CTNNA3: variants seen among roughly 807,000 people sequenced by gnomAD.
CTNNA3 encodes the protein catenin alpha-3.
In CTNNA3, 76 loss-of-function variants were observed where a neutral mutation model predicts 95.7. The observed-to-expected ratio is 0.79, with a 90% CI of 0.66 to 0.96. The LOEUF (loss-of-function observed/expected upper bound fraction) is 0.96, where lower values mean the gene tolerates loss of function less well. Ranked by LOEUF, CTNNA3 falls within the 40% of genes least tolerant of loss-of-function variation. The probability of loss-of-function intolerance (pLI) is 0.00; values close to 1 mark genes in which losing one functional copy is unlikely to be tolerated. For missense variants in CTNNA3, 1,191 were observed against 1,089.8 expected, an observed-to-expected ratio of 1.09 and a Z score of -1.31; for synonymous variants, 431 against 374.4, an observed-to-expected ratio of 1.15 and a Z score of -1.74.
At chr10:67,705,947 T>C (rs927907225) in intron 1 of CTNNA3, among the ~76,000 whole-genome samples, 1 of 152,084 alleles carries the variant, frequency 6.6e-6, no homozygotes, top group African/African-American at 2.4e-5. Context: ...CAAAGCTGGC[T>C]TAGGGGAAGA....
At chr10:66,903,686 G>T (rs1845854234) in intron 7 of CTNNA3, among the ~76,000 whole-genome samples, 1 of 152,056 alleles carries the variant, frequency 6.6e-6, no homozygotes, top group African/African-American at 2.4e-5. Flanking sequence ...AAAGTCTCAG[G>T]ATACAAAATC....
chr10:67,423,559 G>T (rs1459525500), intron 5 of CTNNA3, among the ~76,000 whole-genome samples: 1 of 152,110 alleles, frequency 6.6e-6, no homozygotes, highest in African/African-American at 2.4e-5. Context: ...CAAAAAGATA[G>T]ACACTAAACA....
chr10:66,222,525 G>C (rs2088988729), intron 13 of CTNNA3, among the ~76,000 whole-genome samples: 1 of 150,734 alleles, frequency 6.6e-6, no homozygotes, highest in South Asian at 2.1e-4. Flanking sequence ...GGGAAGGAAG[G>C]AAAGAAGGGA....
rs1256659029 is a variant in CTNNA3 at position 66,957,431 on chromosome 10, TATATATATATGCATATATATATATGC to T, written c.1048-181933_1048-181908del. On this transcript the variant is annotated intron_variant, in intron 7 of 17. Transcript: ENST00000433211. The stretch of plus-strand genomic sequence containing the variant: ...ATATATATGCATATATATATATGCA[TATATATATATGCATATATATATATGC>T]ATATATATATATGTTTGATCCTGAA... Among the ~76,000 whole-genome samples the T allele has an allele frequency of 3.0e-4, 36 of 118,564 alleles. 1 individual carries two copies. Among genetic ancestry groups the T allele is most frequent in the African/African-American group, 5.5e-4 (19 of 34,686 alleles). 77.8% of individuals were successfully genotyped at this position (118,564 alleles called of 152,430 possible).
chr10:66,207,805 T>A (rs574756253), intron 13 of CTNNA3, among the ~76,000 whole-genome samples: 1 of 152,198 alleles, frequency 6.6e-6, no homozygotes, highest in South Asian at 2.1e-4. Flanking sequence ...TGTTCTATTG[T>A]GCTAATTTGA....
intron 7 of CTNNA3, among the ~76,000 whole-genome samples, chr10:67,077,007 G>T (rs1029078213): frequency 2.0e-5 from 3 of 152,078 alleles, no homozygotes; most frequent in African/African-American, 7.2e-5. Flanking sequence ...CTTGTTTCAG[G>T]CAACGCCCCC....
At chr10:66,268,849 G>C (rs182032850) in intron 13 of CTNNA3, among the ~76,000 whole-genome samples, 75 of 152,272 alleles carry the variant, frequency 4.9e-4, no homozygotes, top group African/African-American at 1.7e-3. Context: ...TTTCTGCAGT[G>C]ACATGGAGGC....
At chr10:67,069,625 A>G (rs1348614077) in intron 7 of CTNNA3, among the ~76,000 whole-genome samples, 1 of 147,298 alleles carries the variant, frequency 6.8e-6, no homozygotes, top group East Asian at 2.0e-4. Flanking sequence ...ACCTAAATAC[A>G]TAGATTAGTT....
At chr10:66,435,280 C>CT (rs953645262) in intron 11 of CTNNA3, among the ~76,000 whole-genome samples, 3 of 151,644 alleles carry the variant, frequency 2.0e-5, no homozygotes, top group Non-Finnish European at 2.9e-5. Flanking sequence ...TGGTCCTGGG[C>CT]TTTTTTTTGG....
intron 5 of CTNNA3, among the ~76,000 whole-genome samples, chr10:67,468,289 G>A (rs1311230506): frequency 6.6e-6 from 1 of 152,012 alleles, no homozygotes. Context: ...AGCTACTCAG[G>A]AGGCTGACGG....
chr10:67,366,266 G>A (rs1322651536), intron 5 of CTNNA3, among the ~76,000 whole-genome samples: 5 of 152,106 alleles, frequency 3.3e-5, no homozygotes, highest in Non-Finnish European at 7.3e-5. Context: ...TAAATGACAA[G>A]TTGATGGGTG....
intron 15 of CTNNA3, among the ~76,000 whole-genome samples, chr10:66,046,484 A>G (rs1168042843): frequency 6.6e-6 from 1 of 152,220 alleles, no homozygotes; most frequent in African/African-American, 2.4e-5. Flanking sequence ...TAAGAGGGAA[A>G]TTCATAGCAC....
At chr10:66,894,756 G>A (rs1845407315) in intron 7 of CTNNA3, among the ~76,000 whole-genome samples, 1 of 151,760 alleles carries the variant, frequency 6.6e-6, no homozygotes, top group Non-Finnish European at 1.5e-5. Flanking sequence ...AGCACAACAA[G>A]CTCAACAAAG....
chr10:66,739,286 C>T (rs1395727550), intron 9 of CTNNA3, among the ~76,000 whole-genome samples: 6 of 152,150 alleles, frequency 3.9e-5, no homozygotes, highest in Admixed American at 3.9e-4. Flanking sequence ...ACTCCCAGAC[C>T]GTCTAATTTA....
At chr10:66,900,527 A>T (rs1490047041) in intron 7 of CTNNA3, among the ~76,000 whole-genome samples, 1 of 152,200 alleles carries the variant, frequency 6.6e-6, no homozygotes, top group African/African-American at 2.4e-5. Flanking sequence ...AATGACTTTG[A>T]CAAGTTGACA....
intron 13 of CTNNA3, among the ~76,000 whole-genome samples, chr10:66,275,875 C>T (rs1443616914): frequency 6.6e-6 from 1 of 151,772 alleles, no homozygotes; most frequent in East Asian, 2.0e-4. Flanking sequence ...GAAGTTGTGA[C>T]ACTGCAGGTA....
rs148245652 is a variant in CTNNA3 at position 66,029,642 on chromosome 10, A to G, written c.2159+39666T>C. On this transcript the variant is annotated intron_variant, in intron 15 of 17. Coordinates refer to ENST00000433211, the MANE Select transcript of CTNNA3 (RefSeq NM_013266.4). ...AGCTTTCTTAAATGTGATGTAATTT[A>G]TTTACTTACTGTGCCCAATCCTTAT... 7.8e-3 allele frequency among the ~76,000 whole-genome samples: 1,189 copies of G among 152,192 alleles called. 12 individuals carry two copies. The highest frequency in any genetic ancestry group is 0.027 in the African/African-American group (1,130 of 41,538).
intron 5 of CTNNA3, among the ~76,000 whole-genome samples, chr10:67,293,588 A>G (rs1367229114): frequency 6.6e-6 from 1 of 152,042 alleles, no homozygotes; most frequent in African/African-American, 2.4e-5. Context: ...ACATATGTAT[A>G]CATGTGCCAT....
chr10:66,277,967 T>C (rs1289887947), intron 13 of CTNNA3, among the ~76,000 whole-genome samples: 2 of 151,666 alleles, frequency 1.3e-5, no homozygotes, highest in Non-Finnish European at 2.9e-5. Context: ...TACAGTCAGA[T>C]AAAGGACCAA....
Sources: allele counts gnomAD v4.1 joint callset (sites outside exome capture counted in the v4.1 genomes callset), GRCh38; gene constraint gnomAD v4.1.1; transcripts MANE v1.5; gene names NCBI Gene and HGNC (gene_info 2026-07-23, HGNC 2026-07-21).